ASNS: variants seen among roughly 807,000 people sequenced by gnomAD.
The protein encoded by ASNS is asparagine synthetase (glutamine-hydrolyzing).
Under a neutral mutation model 62.6 loss-of-function variants are expected in ASNS, and 37 were observed. The observed-to-expected ratio is 0.59, with a 90% CI of 0.45 to 0.78. The LOEUF is 0.78. Among genes scored for constraint, ASNS ranks in the 30% least tolerant of loss-of-function variants. The probability of loss-of-function intolerance (pLI) is 0.00; values close to 1 mark genes in which losing one functional copy is unlikely to be tolerated. For synonymous variants in ASNS, 207 were observed against 237.9 expected (o/e 0.87, Z 1.19); for missense variants, 520 against 682.4 (o/e 0.76, Z 2.65).
the ASNS span, among the ~76,000 whole-genome samples, chr7:97,910,436 G>A: frequency 1.3e-5 from 2 of 152,266 alleles, no homozygotes; most frequent in Non-Finnish European, 2.9e-5. Flanking sequence ...TAACCTGCAA[G>A]GGAAGCATTC....
chr7:97,926,476 T>C, the ASNS span, among the ~76,000 whole-genome samples: 3 of 152,258 alleles, frequency 2.0e-5, no homozygotes, highest in South Asian at 6.2e-4. Flanking sequence ...CAGGCTCTCC[T>C]CCTCAAAGAA....
chr7:97,860,133 C>T (rs1454824993), intron 4 of ASNS, among the ~76,000 whole-genome samples: 1 of 152,072 alleles, frequency 6.6e-6, no homozygotes, highest in African/African-American at 2.4e-5. Context: ...ATTCAAATAC[C>T]AGAAAAAGGA....
At chr7:97,927,168 C>G in the ASNS span, among the ~76,000 whole-genome samples, 5 of 122,192 alleles carry the variant, frequency 4.1e-5, no homozygotes, top group Non-Finnish European at 9.1e-5. Flanking sequence ...GATCCTCCCC[C>G]TTCGGCCTCT....
upstream of ASNS, among the ~76,000 whole-genome samples, chr7:97,875,199 G>A (rs1048471015): frequency 2.6e-5 from 4 of 152,164 alleles, no homozygotes; most frequent in African/African-American, 4.8e-5. Context: ...AGACTAGAGT[G>A]CAGTGGTGCA....
At chr7:97,873,373 G>A (rs1321263473), upstream of ASNS, among the ~76,000 whole-genome samples, 1 of 152,200 alleles carries the variant, frequency 6.6e-6, no homozygotes, top group East Asian at 1.9e-4. Flanking sequence ...TGCTTGGAGA[G>A]CATGCAGGTT....
At chr7:97,875,674 A>T (rs999657906), upstream of ASNS, among the ~76,000 whole-genome samples, 2 of 152,176 alleles carry the variant, frequency 1.3e-5, no homozygotes, top group African/African-American at 4.8e-5. Flanking sequence ...GACAAAACGG[A>T]TCACAGAGTC....
intron 12 of ASNS, 63 bp downstream of exon 12, chr7:97,852,997 C>T: frequency 7.0e-7 from 1 of 1,429,000 alleles, no homozygotes; most frequent in Non-Finnish European, 9.3e-7. Flanking sequence ...ACAAAATGAA[C>T]AGCAATGACA....
At chr7:97,928,146 C>T in the ASNS span, 4 of 1,532,072 alleles carry the variant, frequency 2.6e-6, no homozygotes, top group South Asian at 3.6e-5. Context: ...CGCGTCCTCC[C>T]CGTCCTCGCA....
chr7:97,917,848 G>A, the ASNS span, among the ~76,000 whole-genome samples: 4 of 152,226 alleles, frequency 2.6e-5, no homozygotes, highest in Admixed American at 2.0e-4. Context: ...TGCTGACTGC[G>A]CACAAGGCCG....
the ASNS span, among the ~76,000 whole-genome samples, chr7:97,901,704 G>A: frequency 2.6e-5 from 4 of 151,918 alleles, no homozygotes; most frequent in East Asian, 3.9e-4. Flanking sequence ...GGGCCCAGGC[G>A]CAGTGGCTCA....
the ASNS span, among the ~76,000 whole-genome samples, chr7:97,884,723 A>T: frequency 6.6e-6 from 1 of 152,182 alleles, no homozygotes; most frequent in South Asian, 2.1e-4. Flanking sequence ...TAATATAACT[A>T]TTAAAATATA....
Position 97,852,042 on chromosome 7 carries a change from AC to A in ASNS, c.*216del. 1 of 561,432 alleles carries A rather than the reference AC, an allele frequency of 1.8e-6. No homozygotes were observed. 34.8% of individuals were successfully genotyped at this position (561,432 alleles called of 1,614,324 possible). ...TGATCATTTTCCCTTTTCCTAGCTTACCCTCCACTTTACTGTGATACAGCAA... is the reference window on the plus strand; with the variant it reads ...TGATCATTTTCCCTTTTCCTAGCTTACCTCCACTTTACTGTGATACAGCAA... On this transcript the variant is annotated 3_prime_UTR_variant, in exon 13 of 13. Coordinates refer to ENST00000394308, the MANE Select transcript of ASNS (RefSeq NM_001673.5).
At chr7:97,861,016 T>C (rs981948192) in intron 4 of ASNS, among the ~76,000 whole-genome samples, 6 of 140,794 alleles carry the variant, frequency 4.3e-5, no homozygotes, top group African/African-American at 1.7e-4. Flanking sequence ...AACTGATTCA[T>C]TTGATCCTTT....
At chr7:97,862,545 T>C (rs796222592) in intron 4 of ASNS, among the ~76,000 whole-genome samples, 3 of 152,152 alleles carry the variant, frequency 2.0e-5, no homozygotes, top group African/African-American at 7.2e-5. Context: ...GGTGGGTACA[T>C]GGCATTAAAC....
chr7:97,880,931 G>A, the ASNS span, among the ~76,000 whole-genome samples: 1 of 80,186 alleles, frequency 1.2e-5, no homozygotes, highest in Non-Finnish European at 2.3e-5. Context: ...GTGTGTGTGT[G>A]TGTTTTTGTT....
chr7:97,876,636 C>T (rs946449935), upstream of ASNS, among the ~76,000 whole-genome samples: 1 of 151,890 alleles, frequency 6.6e-6, no homozygotes, highest in African/African-American at 2.4e-5. Context: ...CCATGTTGTC[C>T]AGGATGCTCT....
chr7:97,910,153 G>A, the ASNS span, among the ~76,000 whole-genome samples: 1 of 152,168 alleles, frequency 6.6e-6, no homozygotes, highest in East Asian at 1.9e-4. Context: ...CCAGAGCCAG[G>A]CTGGCTGCAT....
chr7:97,922,163 G>A, the ASNS span, among the ~76,000 whole-genome samples: 9 of 152,224 alleles, frequency 5.9e-5, no homozygotes, highest in Non-Finnish European at 1.0e-4. Context: ...CCAGGAGTTC[G>A]AGACCAGCCT....
At chr7:97,885,789 A>C in the ASNS span, 1 of 251,640 alleles carries the variant, frequency 4.0e-6, no homozygotes. Flanking sequence ...TATTTTAACA[A>C]TAACAAAATA....
Sources: gnomAD v4.1 joint callset for allele counts (sites outside exome capture counted in the v4.1 genomes callset) on GRCh38, gnomAD v4.1.1 for gene constraint, MANE v1.5 for transcripts, NCBI Gene and HGNC (gene_info 2026-07-23, HGNC 2026-07-21) for gene names.